NDST4: variants seen among roughly 807,000 people sequenced by gnomAD.
NDST4 encodes the protein N-heparan sulfate sulfotransferase 4.
Under a neutral mutation model 100.8 loss-of-function variants are expected in NDST4, and 63 were observed. The ratio of observed to expected loss-of-function variants is 0.62; its 90% CI spans 0.51 to 0.77. The LOEUF (loss-of-function observed/expected upper bound fraction) is 0.77, where lower values mean the gene tolerates loss of function less well. Among genes scored for constraint, NDST4 ranks in the 30% least tolerant of loss-of-function variants. The pLI is 0.00. For synonymous variants in NDST4, 377 were observed against 361.8 expected (o/e 1.04, Z -0.48); for missense variants, 943 against 1,018.4 (o/e 0.93, Z 1.01).
chr4:114,861,180 T>C (rs182769732), intron 7 of NDST4, among the ~76,000 whole-genome samples: 1 of 152,220 alleles, frequency 6.6e-6, no homozygotes, highest in African/African-American at 2.4e-5. Flanking sequence ...CTTAAGCTAA[T>C]ATCTACCATA....
rs1264197914 is a variant in NDST4, at chr4:114,909,652, A to C, written c.1536+25554T>G. Reference sequence around the variant, plus strand: ...TCTGCAGTCCGGCCTGCTGGGCGACAGAGCGAGACTCCGTCTCAAAAAAAA... The same window carrying C: ...TCTGCAGTCCGGCCTGCTGGGCGACCGAGCGAGACTCCGTCTCAAAAAAAA... On this transcript the variant is annotated intron_variant, in intron 6 of 13. Transcript: ENST00000264363. Among the ~76,000 whole-genome samples the C allele has an allele frequency of 2.9e-5, 4 of 136,576 alleles. No homozygotes were observed. The South Asian group carries it at 9.6e-4, about 33-fold the overall frequency. 89.6% of individuals were successfully genotyped at this position (136,576 alleles called of 152,430 possible).
At chr4:114,949,302 A>G (rs1725937822) in intron 4 of NDST4, among the ~76,000 whole-genome samples, 1 of 152,034 alleles carries the variant, frequency 6.6e-6, no homozygotes, top group South Asian at 2.1e-4. Context: ...AACAACTTGA[A>G]TATAAGCAAA....
At position 114,959,819 on chromosome 4, in the gene NDST4, G is replaced by A. The variant is rs1032223996; in HGVS notation, c.1221+10611C>T. ...GACACTATTAAATGTACCAATATAT[G>A]TCAGATGGGATTATCAAAAGAGTGA... On this transcript the variant is annotated intron_variant, in intron 4 of 13. Coordinates refer to ENST00000264363, the MANE Select transcript of NDST4 (RefSeq NM_022569.3). Among the ~76,000 whole-genome samples the A allele has an allele frequency of 2.0e-5, 3 of 152,140 alleles. 1 individual carries two copies.
At position 114,985,133 on chromosome 4, in the gene NDST4, T is replaced by A. The variant is rs753045341; in HGVS notation, c.979-7859A>T. 1.4e-4 allele frequency among the ~76,000 whole-genome samples: 22 copies of A among 152,192 alleles called. 1 individual carries two copies. Among genetic ancestry groups the A allele is most frequent in the Admixed American group, 6.5e-4 (10 of 15,284 alleles). ...TACTGAACAAGTACAAGGGTATTTA[T>A]GGGGAGAAAGTTTGAACTGTAGGGA... On this transcript the variant is annotated intron_variant, in intron 2 of 13. Coordinates refer to ENST00000264363, the MANE Select transcript of NDST4 (RefSeq NM_022569.3).
intron 1 of NDST4, among the ~76,000 whole-genome samples, chr4:115,085,622 G>T (rs1179806248): frequency 2.6e-5 from 4 of 152,082 alleles, no homozygotes; most frequent in Non-Finnish European, 1.5e-5. Context: ...TTTATAAGGT[G>T]ATTTTCCCCC....
chr4:115,030,482 G>A (rs1365707038), intron 2 of NDST4, among the ~76,000 whole-genome samples: 1 of 152,056 alleles, frequency 6.6e-6, no homozygotes, highest in Non-Finnish European at 1.5e-5. Flanking sequence ...CATCTTGACA[G>A]GAACCATAAG....
intron 2 of NDST4, among the ~76,000 whole-genome samples, chr4:114,995,124 CATT>C (rs1274294373): frequency 2.0e-5 from 3 of 152,018 alleles, no homozygotes; most frequent in Non-Finnish European, 4.4e-5. Flanking sequence ...TATTCTTTCT[CATT>C]ATTACTAATT....
chr4:114,924,045 T>A (rs978854288), intron 6 of NDST4, among the ~76,000 whole-genome samples: 1 of 152,110 alleles, frequency 6.6e-6, no homozygotes, highest in Admixed American at 6.6e-5. Context: ...GAAAGATATA[T>A]GTCTACACAA....
intron 2 of NDST4, among the ~76,000 whole-genome samples, chr4:115,020,020 A>C (rs889611846): frequency 1.3e-5 from 2 of 152,164 alleles, no homozygotes; most frequent in Non-Finnish European, 2.9e-5. Flanking sequence ...GATTATTGCC[A>C]TAACAGCCTG....
intron 6 of NDST4, among the ~76,000 whole-genome samples, chr4:114,919,496 C>T (rs1213820244): frequency 6.6e-6 from 1 of 152,028 alleles, no homozygotes; most frequent in Admixed American, 6.6e-5. Flanking sequence ...TTAATGGTAG[C>T]ACAAAAGCCC....
chr4:114,855,504 T>C (rs192734563), intron 7 of NDST4, among the ~76,000 whole-genome samples: 46 of 152,312 alleles, frequency 3.0e-4, no homozygotes, highest in African/African-American at 1.1e-3. Context: ...CTATCCAGTT[T>C]TTCCAGTACT....
intron 2 of NDST4, among the ~76,000 whole-genome samples, chr4:115,022,716 C>T (rs975599676): frequency 7.9e-5 from 12 of 151,988 alleles, no homozygotes; most frequent in African/African-American, 2.4e-4. Context: ...TGGGAGGAAC[C>T]CAGTGGGAGG....
At chr4:115,024,398 G>A (rs1024689552) in intron 2 of NDST4, among the ~76,000 whole-genome samples, 1 of 152,104 alleles carries the variant, frequency 6.6e-6, no homozygotes, top group African/African-American at 2.4e-5. Context: ...GGGGGATGCA[G>A]GATGCGGAGT....
intron 6 of NDST4, among the ~76,000 whole-genome samples, chr4:114,908,916 TTTAA>T (rs998567626): frequency 1.4e-3 from 208 of 152,272 alleles, no homozygotes; most frequent in African/African-American, 4.4e-3. Context: ...TTAGAATTTG[TTTAA>T]TTAACTAACA....
chr4:114,905,248 C>T (rs1290399904), intron 6 of NDST4, among the ~76,000 whole-genome samples: 1 of 133,766 alleles, frequency 7.5e-6, no homozygotes, highest in Non-Finnish European at 1.5e-5. Context: ...CAGTTCATTG[C>T]TAATTGGTGG....
intron 4 of NDST4, among the ~76,000 whole-genome samples, chr4:114,951,345 T>C (rs1725986277): frequency 6.6e-6 from 1 of 152,082 alleles, no homozygotes; most frequent in East Asian, 1.9e-4. Context: ...TATGGATAGA[T>C]GGAGAATTGC....
chr4:115,047,736 GA>G (rs1728494927), intron 2 of NDST4, among the ~76,000 whole-genome samples: 5 of 152,048 alleles, frequency 3.3e-5, no homozygotes, highest in Admixed American at 1.3e-4. Flanking sequence ...ATAAATTGAA[GA>G]AGTTAATTGA....
At chr4:114,836,728 T>C (rs1578334432) in intron 11 of NDST4, among the ~76,000 whole-genome samples, 2 of 152,196 alleles carry the variant, frequency 1.3e-5, no homozygotes, top group South Asian at 4.1e-4. Context: ...CTTGGTTCCA[T>C]TCTCCCTGTC....
Position 115,076,479 on chromosome 4 carries a change from A to C in NDST4, c.558T>G (p.Asn186Lys). The C allele has an allele frequency of 6.2e-7, 1 of 1,613,990 alleles. No individual in the cohort carries two copies. The highest frequency in any genetic ancestry group is 2.2e-5 in the East Asian group (1 of 44,798). ...CAAAACAGTCCTTTAGAGCTAGATT[A>C]TTGAAAAGGTTTAACGGAAAGCCTT... ...QLKGFPLNLF[N>K]NLALKDCFVN... is the part of the protein sequence containing the mutation. The change falls in exon 2 of 14, where the codon AAT (asparagine) becomes AAG (lysine). Residue 186 changes from asparagine to lysine, a missense_variant. By Grantham distance (94) the Asn-to-Lys change is moderately conservative. Transcript: ENST00000264363.
Sources: allele counts gnomAD v4.1 joint callset (sites outside exome capture counted in the v4.1 genomes callset), GRCh38; gene constraint gnomAD v4.1.1; transcripts MANE v1.5; gene names NCBI Gene and HGNC (gene_info 2026-07-23, HGNC 2026-07-21).